Variants in ZNF385D observed in about 807,000 individuals in gnomAD.
ZNF385D encodes the protein zinc finger protein 385D, also known as zinc finger protein 659.
In ZNF385D, 15 loss-of-function variants were observed where a neutral mutation model predicts 35.8. That is an observed-to-expected ratio of 0.42 (90% CI 0.28 to 0.64). ZNF385D has a LOEUF of 0.64. Among genes scored for constraint, ZNF385D ranks in the 30% least tolerant of loss-of-function variants. ZNF385D has a pLI of 0.23. For synonymous variants in ZNF385D, 212 were observed against 186.8 expected (o/e 1.13, Z -1.10); for missense variants, 474 against 494.6 (o/e 0.96, Z 0.39).
intron 3 of ZNF385D, among the ~76,000 whole-genome samples, chr3:21,550,856 G>C (rs558531676): frequency 6.6e-6 from 1 of 152,212 alleles, no homozygotes; most frequent in Admixed American, 6.5e-5. Flanking sequence ...CTTTTGGAGG[G>C]CTATCAGGCC....
At chr3:21,945,592 T>A (rs1263366078) in intron 3 of ZNF385D, among the ~76,000 whole-genome samples, 1 of 152,214 alleles carries the variant, frequency 6.6e-6, no homozygotes, top group African/African-American at 2.4e-5. Context: ...AACAAATGTT[T>A]TTTTCTGGAC....
intron 3 of ZNF385D, among the ~76,000 whole-genome samples, chr3:21,860,896 T>C (rs907357838): frequency 6.6e-6 from 1 of 152,126 alleles, no homozygotes; most frequent in Non-Finnish European, 1.5e-5. Context: ...TAACATCCAT[T>C]TAGATTCGAT....
intron 2 of ZNF385D, among the ~76,000 whole-genome samples, chr3:22,335,499 C>T (rs542329319): frequency 5.3e-4 from 81 of 152,208 alleles, no homozygotes; most frequent in African/African-American, 1.8e-3. Context: ...CTTCTTTAAA[C>T]GCTCCTTCAG....
intron 3 of ZNF385D, among the ~76,000 whole-genome samples, chr3:21,767,163 T>C (rs2070866080): frequency 6.6e-6 from 1 of 151,418 alleles, no homozygotes; most frequent in Admixed American, 6.6e-5. Context: ...ATTGAGAGTC[T>C]TATGGAAATC....
intron 3 of ZNF385D, among the ~76,000 whole-genome samples, chr3:21,871,209 T>A (rs1245276869): frequency 6.6e-6 from 1 of 152,124 alleles, no homozygotes; most frequent in Non-Finnish European, 1.5e-5. Context: ...CAGTGCTCCC[T>A]CTACCTAGAA....
intron 2 of ZNF385D, among the ~76,000 whole-genome samples, chr3:22,364,581 T>TA (rs376552203): frequency 0.035 from 5,288 of 151,742 alleles, 129 homozygotes; most frequent in Middle Eastern, 0.051. Context: ...ATAGCTACTA[T>TA]AAAAAAAATA....
At chr3:21,759,712 A>G (rs771313463) in intron 3 of ZNF385D, among the ~76,000 whole-genome samples, 2 of 152,188 alleles carry the variant, frequency 1.3e-5, no homozygotes, top group Non-Finnish European at 2.9e-5. Flanking sequence ...CCAGACCCAG[A>G]GACCCACCTC....
chr3:21,717,837 A>C lies in ZNF385D; in HGVS notation c.22+33058T>G, dbSNP rs530494358. Among the ~76,000 whole-genome samples the C allele has an allele frequency of 2.0e-5, 3 of 152,192 alleles. No individual in the cohort carries two copies. The South Asian group carries it at 6.2e-4, about 32-fold the overall frequency. On this transcript the variant is annotated intron_variant, in intron 1 of 7. Transcript: ENST00000281523. The stretch of plus-strand genomic sequence containing the variant: ...CCATGTGGAACTGTGAGTCCATTAA[A>C]CTTCTTTTTCTTTATAAATTACCCA...
chr3:22,027,197 A>G (rs1274949043), intron 3 of ZNF385D, among the ~76,000 whole-genome samples: 2 of 152,308 alleles, frequency 1.3e-5, no homozygotes, highest in African/African-American at 2.4e-5. Context: ...TACAACCAAG[A>G]AAGAGGTACA....
intron 3 of ZNF385D, among the ~76,000 whole-genome samples, chr3:21,790,248 GC>G (rs1295562158): frequency 8.2e-5 from 2 of 24,474 alleles, no homozygotes; most frequent in Non-Finnish European, 1.7e-4. Flanking sequence ...TGCATATGTG[GC>G]TTTTTTTCAA....
intron 2 of ZNF385D, among the ~76,000 whole-genome samples, chr3:22,297,749 G>A (rs1379325751): frequency 6.6e-6 from 1 of 151,968 alleles, no homozygotes; most frequent in Non-Finnish European, 1.5e-5. Context: ...TAATATAGAA[G>A]AGTATATAAT....
chr3:21,773,733 C>A (rs892425573), intron 3 of ZNF385D, among the ~76,000 whole-genome samples: 2 of 150,316 alleles, frequency 1.3e-5, no homozygotes, highest in Non-Finnish European at 3.0e-5. Context: ...CCATCTCATG[C>A]CAGTCAGAAT....
chr3:22,123,200 A>T (rs1703202109), intron 3 of ZNF385D, among the ~76,000 whole-genome samples: 1 of 152,140 alleles, frequency 6.6e-6, no homozygotes, highest in Admixed American at 6.5e-5. Context: ...GAAAAGAGAA[A>T]AAGTGGAGGG....
intron 3 of ZNF385D, among the ~76,000 whole-genome samples, chr3:21,918,324 G>T (rs968373529): frequency 1.3e-5 from 2 of 152,142 alleles, no homozygotes; most frequent in Non-Finnish European, 2.9e-5. Flanking sequence ...CAAAAGAAAT[G>T]AACAATCCAA....
At chr3:21,995,793 T>G (rs1490234822) in intron 3 of ZNF385D, among the ~76,000 whole-genome samples, 2 of 151,934 alleles carry the variant, frequency 1.3e-5, no homozygotes, top group Non-Finnish European at 2.9e-5. Context: ...GAGCCCCTAC[T>G]GCTAGTTGGT....
At chr3:22,275,019 G>A (rs566336123) in intron 2 of ZNF385D, among the ~76,000 whole-genome samples, 3 of 152,152 alleles carry the variant, frequency 2.0e-5, no homozygotes, top group African/African-American at 7.2e-5. Flanking sequence ...GACAAACCCT[G>A]TGGATAGCTG....
At chr3:22,296,299 T>C (rs899456267) in intron 2 of ZNF385D, among the ~76,000 whole-genome samples, 1 of 152,136 alleles carries the variant, frequency 6.6e-6, no homozygotes, top group Non-Finnish European at 1.5e-5. Flanking sequence ...TGTGTGGCAT[T>C]AGCGGGGATG....
chr3:22,224,083 A>C (rs1430373614), intron 2 of ZNF385D, among the ~76,000 whole-genome samples: 1 of 152,206 alleles, frequency 6.6e-6, no homozygotes, highest in Non-Finnish European at 1.5e-5. Flanking sequence ...ACTTGCCTAA[A>C]TATTTTGAGG....
At chr3:21,899,932 C>G (rs1218150931) in intron 3 of ZNF385D, among the ~76,000 whole-genome samples, 1 of 152,094 alleles carries the variant, frequency 6.6e-6, no homozygotes, top group Non-Finnish European at 1.5e-5. Flanking sequence ...TGAATTCCTT[C>G]TAAGTAAAAG....
Sources: gnomAD v4.1 joint callset for allele counts (sites outside exome capture counted in the v4.1 genomes callset) on GRCh38, gnomAD v4.1.1 for gene constraint, MANE v1.5 for transcripts, NCBI Gene and HGNC (gene_info 2026-07-23, HGNC 2026-07-21) for gene names.